The following RBPJ variants were observed in gnomAD, a reference collection of about 807,000 sequenced individuals.
The protein encoded by RBPJ is recombining binding protein suppressor of hairless.
RBPJ carries 9 observed loss-of-function variants against 67.8 expected under a neutral mutation model. That is an observed-to-expected ratio of 0.13 (90% CI 0.08 to 0.23). RBPJ has a LOEUF of 0.23. Among genes scored for constraint, RBPJ ranks in the 10% least tolerant of loss-of-function variants. RBPJ has a pLI of 1.00. For synonymous variants in RBPJ, 198 were observed against 203.3 expected, an observed-to-expected ratio of 0.97 and a Z score of 0.22; for missense variants, 305 against 595.6, an observed-to-expected ratio of 0.51 and a Z score of 5.08.
At chr4:26,349,157 C>T (rs1577493671) in intron 1 of RBPJ, among the ~76,000 whole-genome samples, 1 of 151,966 alleles carries the variant, frequency 6.6e-6, no homozygotes, top group South Asian at 2.1e-4. Flanking sequence ...AGCCTTGACC[C>T]CGGGGGCTCA....
At chr4:26,290,163 C>T (rs1721619083) in intron 1 of RBPJ, among the ~76,000 whole-genome samples, 1 of 149,244 alleles carries the variant, frequency 6.7e-6, no homozygotes, top group African/African-American at 2.5e-5. Context: ...GACCCCACCT[C>T]CCATCTCTAC....
Position 26,259,305 on chromosome 4 carries a change from A to C in RBPJ, c.-167+95691A>C, listed in dbSNP as rs28827505. 3.8e-3 allele frequency among the ~76,000 whole-genome samples: 578 copies of C among 152,314 alleles called. 3 individuals carry two copies. Among genetic ancestry groups the C allele is most frequent in the African/African-American group, 0.013 (553 of 41,552 alleles). On this transcript the variant is annotated intron_variant, in intron 1 of 4. Coordinates refer to the RBPJ transcript ENST00000512351. Reference sequence around the variant, plus strand: ...CATTTTTTCATTAAAGCTTTGGCTAACTTTCTCAAAACACTCTCATAATAA... The same window carrying C: ...CATTTTTTCATTAAAGCTTTGGCTACCTTTCTCAAAACACTCTCATAATAA...
At chr4:26,194,063 C>G (rs140280447) in intron 1 of RBPJ, among the ~76,000 whole-genome samples, 2 of 152,324 alleles carry the variant, frequency 1.3e-5, no homozygotes, top group East Asian at 3.9e-4. Flanking sequence ...ACCCAATTAT[C>G]CCAGTGTCAC....
Position 26,168,690 on chromosome 4 carries a change from C to T in RBPJ, c.-167+5076C>T, listed in dbSNP as rs1256366789. On this transcript the variant is annotated intron_variant, in intron 1 of 4. Coordinates refer to the RBPJ transcript ENST00000512351. ...TTTTCCAACTTGGTTCCATTCTCCC[C>T]GTCACTTTCAGGTACACCAATCAGA... Among the ~76,000 whole-genome samples the T allele has an allele frequency of 4.6e-5, 7 of 152,230 alleles. No homozygotes were observed. The East Asian group carries it at 1.2e-3, about 25-fold the overall frequency.
At chr4:26,346,758 G>A (rs1194741806) in intron 1 of RBPJ, among the ~76,000 whole-genome samples, 3 of 152,116 alleles carry the variant, frequency 2.0e-5, no homozygotes, top group African/African-American at 4.8e-5. Flanking sequence ...TTGGAAGGCC[G>A]AGGCGGGTGG....
chr4:26,182,138 C>T (rs1026822871), intron 1 of RBPJ, among the ~76,000 whole-genome samples: 7 of 152,148 alleles, frequency 4.6e-5, no homozygotes, highest in Admixed American at 3.3e-4. Context: ...GTCAGAAGAT[C>T]AAGACCATCC....
chr4:26,416,611 T>G (rs1000808130), intron 4 of RBPJ, among the ~76,000 whole-genome samples: 1 of 152,234 alleles, frequency 6.6e-6, no homozygotes, highest in East Asian at 1.9e-4. Flanking sequence ...GCTACTGTAC[T>G]TTGGAAAATG....
At chr4:26,292,192 T>TC (rs1721693046) in intron 1 of RBPJ, among the ~76,000 whole-genome samples, 1 of 150,590 alleles carries the variant, frequency 6.6e-6, no homozygotes, top group Non-Finnish European at 1.5e-5. Flanking sequence ...TAACTGAAAG[T>TC]TTGTACATTT....
At chr4:26,211,066 A>G (rs936432075) in intron 1 of RBPJ, among the ~76,000 whole-genome samples, 7 of 152,092 alleles carry the variant, frequency 4.6e-5, no homozygotes, top group African/African-American at 1.4e-4. Context: ...TTTCAAAGCT[A>G]GAAGGGTCAT....
intron 1 of RBPJ, among the ~76,000 whole-genome samples, chr4:26,276,567 A>T (rs1721094508): frequency 6.6e-6 from 1 of 152,186 alleles, no homozygotes; most frequent in Non-Finnish European, 1.5e-5. Flanking sequence ...CTTGGGCCTC[A>T]GGCTTGTTCT....
chr4:26,354,696 C>T (rs923269249), intron 1 of RBPJ, among the ~76,000 whole-genome samples: 8 of 152,128 alleles, frequency 5.3e-5, no homozygotes, highest in Middle Eastern at 6.8e-3. Flanking sequence ...ATGATCGGGT[C>T]GCCTTGGCCT....
chr4:26,277,534 G>A (rs1721123976), intron 1 of RBPJ, among the ~76,000 whole-genome samples: 1 of 152,238 alleles, frequency 6.6e-6, no homozygotes. Context: ...ATCCTGGGGA[G>A]TTTTGTAGGG....
At position 26,191,151 on chromosome 4, in the gene RBPJ, C is replaced by CAA. The variant is rs1186422694; in HGVS notation, c.-167+27566_-167+27567dup. Among the ~76,000 whole-genome samples, 16 of 10,516 alleles carry CAA rather than the reference C, an allele frequency of 1.5e-3. 4 individuals carry two copies. Among genetic ancestry groups the CAA allele is most frequent in the Non-Finnish European group, 1.9e-3 (13 of 6,744 alleles). The allele number at this position is 10,516 out of a possible 152,430, so 6.9% of individuals were successfully genotyped here. On this transcript the variant is annotated intron_variant, in intron 1 of 4. Coordinates refer to the RBPJ transcript ENST00000512351. ...TGGGCAACGGAATGAGACCCTGTCT[C>CAA]AAAAAAAAAAAAAAAAAAAAAAAAA...
At chr4:26,134,620 T>C in the RBPJ span, among the ~76,000 whole-genome samples, 1 of 152,236 alleles carries the variant, frequency 6.6e-6, no homozygotes, top group South Asian at 2.1e-4. Flanking sequence ...CCCTAGCCCA[T>C]TCTCATTCCA....
upstream of RBPJ, chr4:26,320,898 G>A: frequency 6.3e-7 from 1 of 1,591,794 alleles, no homozygotes. Flanking sequence ...GCGGCGGCGA[G>A]GGGAAAGGGA....
chr4:26,298,603 T>C (rs1353434712), intron 1 of RBPJ, among the ~76,000 whole-genome samples: 1 of 152,250 alleles, frequency 6.6e-6, no homozygotes, highest in Non-Finnish European at 1.5e-5. Flanking sequence ...TAAAACCTAG[T>C]ATTTGTTCAT....
intron 1 of RBPJ, among the ~76,000 whole-genome samples, chr4:26,216,325 C>T (rs1055825197): frequency 1.6e-4 from 24 of 152,192 alleles, no homozygotes; most frequent in African/African-American, 5.8e-4. Context: ...ACCATTCCAC[C>T]CACTACAAGT....
rs1733330354 is a variant in RBPJ at position 26,405,701 on chromosome 4, A to G, written c.60-474A>G. On this transcript the variant is annotated intron_variant, in intron 2 of 10. Transcript: ENST00000355476. The stretch of plus-strand genomic sequence containing the variant: ...TGTCATTTTAGGATCATGTAATAAT[A>G]AATTTGGATGGCCTAAGGATTTGTT... Among the ~76,000 whole-genome samples the G allele has an allele frequency of 4.6e-5, 7 of 152,276 alleles. No individual in the cohort carries two copies. In the South Asian group the frequency reaches 1.4e-3, roughly 32 times the overall value.
intron 1 of RBPJ, among the ~76,000 whole-genome samples, chr4:26,175,784 G>A (rs1716775038): frequency 6.6e-6 from 1 of 152,208 alleles, no homozygotes; most frequent in Non-Finnish European, 1.5e-5. Context: ...CAGAGGTTTA[G>A]CAGTGTGCCA....
Sources: gnomAD v4.1 joint callset for allele counts (sites outside exome capture counted in the v4.1 genomes callset) on GRCh38, gnomAD v4.1.1 for gene constraint, MANE v1.5 for transcripts, NCBI Gene and HGNC (gene_info 2026-07-23, HGNC 2026-07-21) for gene names.